Variants in ABCC6 observed in about 807,000 individuals in gnomAD.
ABCC6 encodes the protein ATP binding cassette subfamily C member 6.
A neutral mutation model predicts 169.5 loss-of-function variants in ABCC6; 126 were observed. The ratio of observed to expected loss-of-function variants is 0.74; its 90% CI spans 0.64 to 0.86. ABCC6 has a LOEUF of 0.86. Among genes scored for constraint, ABCC6 ranks in the 40% least tolerant of loss-of-function variants. The probability of loss-of-function intolerance (pLI) is 0.00; values close to 1 mark genes in which losing one functional copy is unlikely to be tolerated. For missense variants in ABCC6, 1,733 were observed against 1,927.2 expected, an observed-to-expected ratio of 0.90 and a Z score of 1.89; for synonymous variants, 752 against 814.7, an observed-to-expected ratio of 0.92 and a Z score of 1.31.
intron 19 of ABCC6, among the ~76,000 whole-genome samples, chr16:16,176,277 C>A (rs2047275725): frequency 6.6e-6 from 1 of 152,152 alleles, no homozygotes; most frequent in Admixed American, 6.5e-5. Flanking sequence ...CTGTTTCCCC[C>A]AACAGCCTTG....
At position 16,190,211 on chromosome 16, in the gene ABCC6, G is replaced by A. The variant is rs1470231651; in HGVS notation, c.1588C>T (p.Leu530Phe). ...QELGALRTSG[L>F]LFSVSLVSFQ... is the part of the protein sequence containing the mutation. Reference sequence around the variant, plus strand: ...GACACCAGCGACACAGAGAAGAGGAGGCCGGAGGTCCGCAAGGCGCCCAGC... The same window carrying A: ...GACACCAGCGACACAGAGAAGAGGAAGCCGGAGGTCCGCAAGGCGCCCAGC... Residue 530 changes from leucine (L) to phenylalanine (F), a missense_variant, in exon 12 of 31, where the codon CTC becomes TTC. Leu to Phe is a conservative substitution (Grantham distance 22, BLOSUM62 0). Transcript: ENST00000205557. 4 of 1,613,922 alleles carry A rather than the reference G, an allele frequency of 2.5e-6. No homozygotes were observed. The highest frequency in any genetic ancestry group is 2.7e-5 in the African/African-American group (2 of 74,902).
Position 16,198,041 on chromosome 16 carries a change from A to C in ABCC6, c.1318T>G (p.Cys440Gly), listed in dbSNP as rs72653766. ...LWLPLVWIVV[C>G]FVYLWQLLGP... The stretch of plus-strand genomic sequence containing the variant: ...CATACCTGCCAGAGATAGACGAAGC[A>C]GACCACGATCCAGACGAGAGGCAGC... Residue 440 changes from cysteine to glycine, a missense_variant, in exon 10 of 31, where the codon TGC becomes GGC. Transcript: ENST00000205557. The C allele has an allele frequency of 9.3e-6, 15 of 1,614,060 alleles. No homozygotes were observed. In the Middle Eastern group the frequency reaches 4.9e-4, roughly 53 times the overall value.
At chr16:16,219,119 C>T (rs1276730326) in intron 4 of ABCC6, among the ~76,000 whole-genome samples, 5 of 98,994 alleles carry the variant, frequency 5.1e-5, no homozygotes, top group South Asian at 3.7e-4. Context: ...AACAGAAATA[C>T]GAGTGGTGTG....
intron 11 of ABCC6, among the ~76,000 whole-genome samples, chr16:16,192,140 G>A (rs1416521402): frequency 6.6e-6 from 1 of 152,186 alleles, no homozygotes; most frequent in Non-Finnish European, 1.5e-5. Flanking sequence ...AGGTGACAGA[G>A]GATCTTCGGG....
At chr16:16,186,120 T>C (rs1256606450) in intron 14 of ABCC6, among the ~76,000 whole-genome samples, 1 of 152,118 alleles carries the variant, frequency 6.6e-6, no homozygotes, top group African/African-American at 2.4e-5. Flanking sequence ...ATGTGGGTGT[T>C]TTCCAGGTAC....
intron 27 of ABCC6, chr16:16,155,313 T>C (rs2046516504): frequency 3.6e-6 from 2 of 552,600 alleles, no homozygotes; most frequent in Non-Finnish European, 6.5e-6. Flanking sequence ...CATCCTTCTA[T>C]TTACACCTCT....
rs1249984461 is a variant in ABCC6 at position 16,161,561 on chromosome 16, C to T, written c.3510G>A (p.Trp1170Ter). Residue 1170 changes from tryptophan to a stop codon, truncating the protein, a stop_gained, in exon 25 of 31, where the codon TGG becomes TGA. Coordinates refer to ENST00000205557, the MANE Select transcript of ABCC6 (RefSeq NM_001171.6). LOFTEE classifies it high-confidence loss of function. ...CCAGGAGCTCCACATTGGCCGCAAGCCACCTGCAAAGGGAAGCGACAGCAG... is the reference window on the plus strand; with the variant it reads ...CCAGGAGCTCCACATTGGCCGCAAGTCACCTGCAAAGGGAAGCGACAGCAG... ...ISFPRLVADR[W>*]LAANVELLGN... The T allele has an allele frequency of 3.1e-6, 5 of 1,613,774 alleles. No homozygotes were observed. The African/African-American group carries it at 5.3e-5, about 17-fold the overall frequency.
At position 16,169,688 on chromosome 16, in the gene ABCC6, C is replaced by G; in HGVS notation, c.2953G>C (p.Ala985Pro). Residue 985 changes from alanine (A) to proline (P), a missense_variant, in exon 22 of 31, where the codon GCC (alanine) becomes CCC (proline). By Grantham distance (27) the Ala-to-Pro change is conservative (BLOSUM62 -1). This residue lies in a region of ABCC6 where 1,601 missense variants were observed against 1,635.5 expected (regional missense o/e 0.98). Coordinates refer to ENST00000205557, the MANE Select transcript of ABCC6 (RefSeq NM_001171.6). The stretch of plus-strand genomic sequence containing the variant: ...AGCCCGAAGATCCCGCCACGCAGGG[C>G]TGCCTGCGTCTGCTGCCCACCTACT... The part of the protein sequence containing the change: ...PAVGGQQTQA[A>P]LRGGIFGLLG... 6.2e-7 allele frequency: 1 copy of G among 1,611,282 alleles called. No homozygotes were observed. The highest frequency in any genetic ancestry group is 8.5e-7 in the Non-Finnish European group (1 of 1,179,654).
intron 6 of ABCC6, among the ~76,000 whole-genome samples, chr16:16,210,277 C>T (rs941397170): frequency 6.6e-6 from 1 of 151,864 alleles, no homozygotes; most frequent in Admixed American, 6.6e-5. Flanking sequence ...ACTGGGATTG[C>T]AGGCTCCCAC....
chr16:16,190,971 G>A (rs116142963), intron 11 of ABCC6, among the ~76,000 whole-genome samples: 1,930 of 150,610 alleles, frequency 0.013, 48 homozygotes, highest in African/African-American at 0.042. Context: ...CAGGCACAGG[G>A]AATAGCATGA....
chr16:16,190,986 G>C (rs1243429243), intron 11 of ABCC6, among the ~76,000 whole-genome samples: 1 of 151,296 alleles, frequency 6.6e-6, no homozygotes, highest in Non-Finnish European at 1.5e-5. Context: ...GCATGACTCA[G>C]AGGACACTCA....
intron 14 of ABCC6, among the ~76,000 whole-genome samples, chr16:16,186,599 A>G (rs945801793): frequency 5.3e-5 from 8 of 150,410 alleles, no homozygotes; most frequent in East Asian, 3.9e-4. Context: ...TGTTCCTTAT[A>G]AGAATCTAAT....
chr16:16,169,818 G>T lies in ABCC6; in HGVS notation c.2823C>A (p.Ala941=). ...KATVHLAYLR[A]VGTPLCLYAL... ...CGTAGAGGCAGAGGGGGGTGCCCAC[G>T]GCACGCAGGTAGGCCAGGTGCACTG... Residue 941 remains alanine, a synonymous_variant, in exon 22 of 31, where the codon GCC becomes GCA. Transcript: ENST00000205557. 6.4e-7 allele frequency: 1 copy of T among 1,562,868 alleles called. No individual in the cohort carries two copies. The highest frequency in any genetic ancestry group is 1.9e-5 in the Admixed American group (1 of 52,088).
In ABCC6 at chr16:16,158,859, G is replaced by A. The variant is rs148894763; in HGVS notation, c.3735+623C>T. On this transcript the variant is annotated intron_variant, in intron 26 of 30. Coordinates refer to ENST00000205557, the MANE Select transcript of ABCC6 (RefSeq NM_001171.6). ...GTTGCTACTCTGTTACTCTGTTACAGTCGTGTTGCTGGGATGTTGCTGTCA... is the reference window on the plus strand; with the variant it reads ...GTTGCTACTCTGTTACTCTGTTACAATCGTGTTGCTGGGATGTTGCTGTCA... 2.4e-4 allele frequency among the ~76,000 whole-genome samples: 36 copies of A among 152,220 alleles called. 1 individual carries two copies. The highest frequency in any genetic ancestry group is 7.9e-4 in the African/African-American group (33 of 41,528).
chr16:16,189,342 G>A (rs1038189477), intron 12 of ABCC6, among the ~76,000 whole-genome samples: 4 of 152,096 alleles, frequency 2.6e-5, no homozygotes, highest in Non-Finnish European at 2.9e-5. Flanking sequence ...TGATTCTAGA[G>A]TCCCTTGGAA....
At position 16,192,928 on chromosome 16, in the gene ABCC6, GA is replaced by G; in HGVS notation, c.1339-7del. The G allele has an allele frequency of 6.2e-7, 1 of 1,613,034 alleles. No individual in the cohort carries two copies. Among genetic ancestry groups the G allele is most frequent in the Non-Finnish European group, 8.5e-7 (1 of 1,179,120 alleles). ...AGGGCGGAGGGCCCCAGGAGCTGGG[GA>G]TAGAAGGGGCAGGATGTCAGGAGAT... On this transcript the variant is annotated splice_region_variant and splice_polypyrimidine_tract_variant and intron_variant, in intron 10 of 30. Coordinates refer to ENST00000205557, the MANE Select transcript of ABCC6 (RefSeq NM_001171.6).
Position 16,180,905 on chromosome 16 carries a change from C to T in ABCC6, c.2247+1507G>A, listed in dbSNP as rs140442534. Among the ~76,000 whole-genome samples the T allele has an allele frequency of 3.2e-3, 488 of 152,320 alleles. 4 individuals are homozygous for T. Among genetic ancestry groups the T allele is most frequent in the Middle Eastern group, 0.024 (7 of 294 alleles). ...CAATGAGCAAAACAAAGTTGCTGCT[C>T]TCTTAATGGATCCATCATTCTCATG... is the stretch of plus-strand genomic sequence containing the variant. On this transcript the variant is annotated intron_variant, in intron 17 of 30. Coordinates refer to ENST00000205557, the MANE Select transcript of ABCC6 (RefSeq NM_001171.6).
At position 16,157,694 on chromosome 16, in the gene ABCC6, C is replaced by T. The variant is rs2046593693; in HGVS notation, c.3851G>A (p.Gly1284Asp). The T allele has an allele frequency of 6.2e-7, 1 of 1,613,956 alleles. No homozygotes were observed. Among genetic ancestry groups the T allele is most frequent in the Non-Finnish European group, 8.5e-7 (1 of 1,180,008 alleles). The change falls in exon 27 of 31, where the codon GGC (glycine) becomes GAC (aspartate). Residue 1284 changes from glycine (G) to aspartate (D), a missense_variant. Physicochemically the swap from Gly to Asp is moderately conservative, Grantham distance 94. Transcript: ENST00000205557. Reference sequence around the variant, plus strand: ...TCCTGCGTGGATCTTGAAGGACACGCCCTGCACAGCCAGCGGGAGCTCAGG... The same window carrying T: ...TCCTGCGTGGATCTTGAAGGACACGTCCTGCACAGCCAGCGGGAGCTCAGG... The part of the protein sequence containing the change: ...YRPELPLAVQ[G>D]VSFKIHAGEK...
chr16:16,209,342 C>T (rs2048514720), intron 6 of ABCC6, among the ~76,000 whole-genome samples: 1 of 152,152 alleles, frequency 6.6e-6, no homozygotes, highest in African/African-American at 2.4e-5. Flanking sequence ...CCTCAGCCTC[C>T]CAAAGTGCTG....
Sources: gnomAD v4.1 joint callset for allele counts (sites outside exome capture counted in the v4.1 genomes callset) on GRCh38, gnomAD v4.1.1 for gene constraint, gnomAD v4.1.1 regional missense constraint, MANE v1.5 for transcripts, NCBI Gene and HGNC (gene_info 2026-07-23, HGNC 2026-07-21) for gene names.